CSMD1: variants seen among roughly 807,000 people sequenced by gnomAD.
The protein encoded by CSMD1 is CUB and sushi domain-containing protein 1.
CSMD1 carries 213 observed loss-of-function variants against 417.5 expected under a neutral mutation model. The ratio of observed to expected loss-of-function variants is 0.51; its 90% CI spans 0.46 to 0.57. CSMD1 has a LOEUF of 0.57. Among genes scored for constraint, CSMD1 ranks in the 20% least tolerant of loss-of-function variants. The pLI is 0.00. For synonymous variants in CSMD1, 2,862 were observed against 1,736.8 expected, an observed-to-expected ratio of 1.65 and a Z score of -16.11; for missense variants, 6,923 against 4,529.7, an observed-to-expected ratio of 1.53 and a Z score of -15.17.
chr8:3,039,431 TCCTC>T (rs1043254702), intron 50 of CSMD1, among the ~76,000 whole-genome samples: 6 of 141,388 alleles, frequency 4.2e-5, no homozygotes, highest in Non-Finnish European at 9.2e-5. Flanking sequence ...CTCCCTTCCT[TCCTC>T]CCTCCTTTCT....
intron 3 of CSMD1, among the ~76,000 whole-genome samples, chr8:4,321,633 T>A (rs1799279954): frequency 6.6e-6 from 1 of 152,162 alleles, no homozygotes. Context: ...CTGCTCTACC[T>A]CTGCAAAGTT....
At chr8:4,754,619 A>T (rs1811552056) in intron 1 of CSMD1, among the ~76,000 whole-genome samples, 1 of 151,854 alleles carries the variant, frequency 6.6e-6, no homozygotes, top group South Asian at 2.1e-4. Flanking sequence ...TGGGAGGCAG[A>T]GGTGGGTGGA....
chr8:3,987,501 A>G (rs1814423133), intron 5 of CSMD1, among the ~76,000 whole-genome samples: 3 of 152,140 alleles, frequency 2.0e-5, no homozygotes, highest in South Asian at 2.1e-4. Flanking sequence ...TCTCCTTTTT[A>G]AAGTCAGGAA....
At chr8:3,253,082 G>T (rs1164105473) in intron 26 of CSMD1, among the ~76,000 whole-genome samples, 1 of 152,068 alleles carries the variant, frequency 6.6e-6, no homozygotes, top group Non-Finnish European at 1.5e-5. Flanking sequence ...TTTTGAGTAT[G>T]TTTGCTCTTG....
At chr8:3,275,268 C>T (rs1174322517) in intron 26 of CSMD1, among the ~76,000 whole-genome samples, 1 of 152,184 alleles carries the variant, frequency 6.6e-6, no homozygotes, top group African/African-American at 2.4e-5. Context: ...CCGCTCTCTT[C>T]TGGCTTGTAG....
At chr8:3,913,524 G>A (rs1808598156) in intron 5 of CSMD1, among the ~76,000 whole-genome samples, 2 of 152,154 alleles carry the variant, frequency 1.3e-5, no homozygotes, top group African/African-American at 2.4e-5. Flanking sequence ...CAGAAAGGAT[G>A]GAGCGAGCCC....
At chr8:3,262,663 C>T (rs56042041) in intron 26 of CSMD1, among the ~76,000 whole-genome samples, 11,287 of 152,074 alleles carry the variant, frequency 0.074, 565 homozygotes, top group Admixed American at 0.13. Context: ...GAATAAGTGA[C>T]ATTATTCAAG....
At chr8:3,242,840 A>T (rs1799634018) in intron 26 of CSMD1, among the ~76,000 whole-genome samples, 1 of 150,186 alleles carries the variant, frequency 6.7e-6, no homozygotes, top group Non-Finnish European at 1.5e-5. Context: ...CAGATATAAG[A>T]GGTCAGGGCG....
intron 3 of CSMD1, among the ~76,000 whole-genome samples, chr8:4,389,475 T>A (rs1377645707): frequency 6.6e-6 from 1 of 151,800 alleles, no homozygotes; most frequent in East Asian, 1.9e-4. Context: ...TTAGTGCTTT[T>A]TTTTCTCAGA....
At chr8:3,239,153 G>C (rs577753213) in intron 26 of CSMD1, among the ~76,000 whole-genome samples, 1 of 152,162 alleles carries the variant, frequency 6.6e-6, no homozygotes, top group African/African-American at 2.4e-5. Flanking sequence ...TGGTGGCTGA[G>C]CTTGGTAAGG....
At chr8:3,930,418 G>C (rs549824365) in intron 5 of CSMD1, among the ~76,000 whole-genome samples, 1 of 150,672 alleles carries the variant, frequency 6.6e-6, no homozygotes, top group African/African-American at 2.4e-5. Flanking sequence ...GTCCAAGCAA[G>C]CATTAGGTCA....
intron 10 of CSMD1, among the ~76,000 whole-genome samples, chr8:3,549,862 G>C (rs1205701157): frequency 6.6e-6 from 1 of 152,158 alleles, no homozygotes; most frequent in African/African-American, 2.4e-5. Context: ...AGACAGTGGA[G>C]TAACATATGC....
chr8:3,478,259 C>T (rs563924498), intron 11 of CSMD1, among the ~76,000 whole-genome samples: 10 of 152,146 alleles, frequency 6.6e-5, no homozygotes, highest in Admixed American at 1.3e-4. Flanking sequence ...TGTTCACGTG[C>T]GGAACTGCGT....
At chr8:3,323,926 C>T (rs1806322994) in intron 23 of CSMD1, among the ~76,000 whole-genome samples, 1 of 135,568 alleles carries the variant, frequency 7.4e-6, no homozygotes, top group South Asian at 2.3e-4. Flanking sequence ...AATAGACACA[C>T]ATCTAACCCC....
chr8:4,309,777 A>T (rs1798455065), intron 3 of CSMD1, among the ~76,000 whole-genome samples: 2 of 152,186 alleles, frequency 1.3e-5, no homozygotes, highest in African/African-American at 4.8e-5. Flanking sequence ...TAGATCAATG[A>T]AGCATAGAAA....
At chr8:3,776,931 T>G (rs938658078) in intron 5 of CSMD1, among the ~76,000 whole-genome samples, 1 of 151,850 alleles carries the variant, frequency 6.6e-6, no homozygotes, top group East Asian at 1.9e-4. Context: ...CCCAGCCTGG[T>G]CTCAACTCTT....
intron 5 of CSMD1, among the ~76,000 whole-genome samples, chr8:3,867,149 A>T (rs1805159710): frequency 1.3e-5 from 2 of 152,164 alleles, no homozygotes; most frequent in African/African-American, 4.8e-5. Flanking sequence ...TGAGTGGTGG[A>T]AAAAGGCAGA....
chr8:3,037,053 T>G (rs1810728974), intron 50 of CSMD1, among the ~76,000 whole-genome samples: 1 of 152,162 alleles, frequency 6.6e-6, no homozygotes, highest in Non-Finnish European at 1.5e-5. Flanking sequence ...GGCTCCCACT[T>G]AAAAGTGAGA....
chr8:3,966,884 C>G (rs1242818309), intron 5 of CSMD1, among the ~76,000 whole-genome samples: 2 of 152,170 alleles, frequency 1.3e-5, no homozygotes, highest in Non-Finnish European at 2.9e-5. Flanking sequence ...CTGGATGTAT[C>G]AGATTTTCAG....
Sources: allele counts gnomAD v4.1 joint callset (sites outside exome capture counted in the v4.1 genomes callset), GRCh38; gene constraint gnomAD v4.1.1; transcripts MANE v1.5; gene names NCBI Gene and HGNC (gene_info 2026-07-23, HGNC 2026-07-21).